The following RANBP3L variants were observed in gnomAD, a reference collection of about 807,000 sequenced individuals.
RANBP3L encodes the protein RAN binding protein 3 like, also known as ran-binding protein 3-like.
RANBP3L carries 56 observed loss-of-function variants against 67.2 expected under a neutral mutation model. The observed-to-expected ratio is 0.83, with a 90% confidence interval of 0.67 to 1.04. The LOEUF (loss-of-function observed/expected upper bound fraction) is 1.04, where lower values mean the gene tolerates loss of function less well. RANBP3L is among the 50% of genes least tolerant of loss of function. The probability of loss-of-function intolerance (pLI) is 0.00; values close to 1 mark genes in which losing one functional copy is unlikely to be tolerated. For missense variants in RANBP3L, 496 were observed against 535.5 expected, an observed-to-expected ratio of 0.93 and a Z score of 0.73; for synonymous variants, 164 against 181.4, an observed-to-expected ratio of 0.90 and a Z score of 0.77.
At chr5:36,264,218 C>T (rs747921140) in intron 6 of RANBP3L, among the ~76,000 whole-genome samples, 28 of 152,112 alleles carry the variant, frequency 1.8e-4, no homozygotes, top group Admixed American at 1.2e-3. Flanking sequence ...GAAAACAAAG[C>T]GAAACTATGT....
At chr5:36,276,602 A>C (rs1027627491) in intron 1 of RANBP3L, among the ~76,000 whole-genome samples, 2 of 151,332 alleles carry the variant, frequency 1.3e-5, no homozygotes, top group Non-Finnish European at 3.0e-5. Context: ...TTTTTTTTCT[A>C]TTTTATGTAC....
intron 12 of RANBP3L, among the ~76,000 whole-genome samples, chr5:36,252,948 G>A (rs1748700094): frequency 6.6e-6 from 1 of 152,006 alleles, no homozygotes; most frequent in Non-Finnish European, 1.5e-5. Context: ...GTCACCTTCT[G>A]CCTGAACTTG....
chr5:36,275,393 T>A (rs1453065209), intron 1 of RANBP3L, among the ~76,000 whole-genome samples: 1 of 152,226 alleles, frequency 6.6e-6, no homozygotes, highest in Admixed American at 6.6e-5. Flanking sequence ...TCCAAAACCA[T>A]TGATTTAACT....
intron 2 of RANBP3L, among the ~76,000 whole-genome samples, 170 bp downstream of exon 2, chr5:36,271,083 C>A (rs918087474): frequency 1.3e-5 from 2 of 152,120 alleles, no homozygotes; most frequent in African/African-American, 2.4e-5. Context: ...CCCATTCCAG[C>A]CAAACTGAAG....
intron 1 of RANBP3L, among the ~76,000 whole-genome samples, chr5:36,297,426 TACAC>T (rs35651432): frequency 1.3e-5 from 2 of 149,026 alleles, no homozygotes; most frequent in East Asian, 2.0e-4. Context: ...GTCACCTGTA[TACAC>T]ACACACACAC....
intron 1 of RANBP3L, among the ~76,000 whole-genome samples, chr5:36,289,645 TA>T (rs1475207728): frequency 6.6e-6 from 1 of 152,180 alleles, no homozygotes; most frequent in African/African-American, 2.4e-5. Context: ...TTTATGCTAT[TA>T]AATGAGTACT....
At position 36,295,567 on chromosome 5, in the gene RANBP3L, A is replaced by G. The variant is rs376279375; in HGVS notation, c.91+5759T>C. The stretch of plus-strand genomic sequence containing the variant: ...CTTTATAGCAGCATGAGAACAGACT[A>G]ATACATTGCCATAGTACTTTTCACA... On this transcript the variant is annotated intron_variant, in intron 1 of 13. Coordinates refer to ENST00000296604, the MANE Select transcript of RANBP3L (RefSeq NM_145000.5). 8.5e-5 allele frequency among the ~76,000 whole-genome samples: 13 copies of G among 152,184 alleles called. No individual in the cohort carries two copies. In the South Asian group the frequency reaches 2.7e-3, roughly 32 times the overall value.
intron 3 of RANBP3L, 85 bp downstream of exon 3, chr5:36,269,866 G>A (rs1036699545): frequency 4.2e-5 from 46 of 1,100,364 alleles, no homozygotes; most frequent in Middle Eastern, 2.0e-4. Context: ...CTTTCACATA[G>A]TCTGTGCCAC....
At chr5:36,293,691 G>C (rs1372663014) in intron 1 of RANBP3L, among the ~76,000 whole-genome samples, 1 of 146,980 alleles carries the variant, frequency 6.8e-6, no homozygotes, top group East Asian at 1.9e-4. Context: ...CTGTTTATAT[G>C]CTGGATTACA....
chr5:36,246,956 CAGTT>C lies in RANBP3L; in HGVS notation c.*2694_*2697del, dbSNP rs1748336660. On this transcript the variant is annotated 3_prime_UTR_variant, in exon 14 of 14. Coordinates refer to ENST00000296604, the MANE Select transcript of RANBP3L (RefSeq NM_145000.5). ...TTTAATTGTCTATAATTAGGGTAAA[CAGTT>C]GGGTAAAATCTTACTAAAAGAAAGT... Among the ~76,000 whole-genome samples the C allele has an allele frequency of 6.6e-6, 1 of 152,134 alleles. No homozygotes were observed. The highest frequency in any genetic ancestry group is 1.5e-5 in the Non-Finnish European group (1 of 68,016).
At chr5:36,295,622 G>A (rs1579796950) in intron 1 of RANBP3L, among the ~76,000 whole-genome samples, 1 of 149,598 alleles carries the variant, frequency 6.7e-6, no homozygotes, top group Non-Finnish European at 1.5e-5. Flanking sequence ...TCCTGCAACA[G>A]TGCACGAGGT....
At chr5:36,265,597 C>T (rs747913744) in intron 4 of RANBP3L, 77 bp from the exon 5 acceptor site, 2 of 804,436 alleles carry the variant, frequency 2.5e-6, no homozygotes, top group South Asian at 3.3e-5. Context: ...TTAACAATCC[C>T]ATTCCGAACT....
At position 36,262,042 on chromosome 5, in the gene RANBP3L, T is replaced by C. The variant is rs1313738198; in HGVS notation, c.481A>G (p.Ile161Val). ...CKTKEKTNNK[I>V]SEGNSYLLSE... The stretch of plus-strand genomic sequence containing the variant: ...AACAAATAGGAATTTCCCTCAGAAA[T>C]CTGAAAGTAAAGAAATCCATCAAAA... Residue 161 changes from isoleucine to valine, a missense_variant and splice_region_variant, in exon 7 of 14, where the codon ATT becomes GTT. Coordinates refer to ENST00000296604, the MANE Select transcript of RANBP3L (RefSeq NM_145000.5). 1 of 1,499,084 alleles carries C rather than the reference T, an allele frequency of 6.7e-7. No homozygotes were observed. Among genetic ancestry groups the C allele is most frequent in the African/African-American group, 1.4e-5 (1 of 72,414 alleles). The allele number at this position is 1,499,084 out of a possible 1,614,324, so 92.9% of individuals were successfully genotyped here. A position where few individuals can be genotyped will look rare whatever the true frequency, so the allele number is the denominator to read the frequency against.
rs781346555 is a variant in RANBP3L, at chr5:36,265,078, G to A, written c.361C>T (p.His121Tyr). ...TGCAAAATAGCAGGTCTAATAACAT[G>A]TTTAGAATGTTTCACAGGACCTTAA... is the stretch of plus-strand genomic sequence containing the variant. ...AEQGPVKHSKHVIRPAILQLP... is the reference protein window; with the variant it reads ...AEQGPVKHSKYVIRPAILQLP... The change falls in exon 6 of 14, where the codon CAT becomes TAT. Residue 121 changes from histidine to tyrosine, a missense_variant. Transcript: ENST00000296604. 20 of 1,606,450 alleles carry A rather than the reference G, an allele frequency of 1.2e-5. No individual in the cohort carries two copies. Among genetic ancestry groups the A allele is most frequent in the Admixed American group, 1.7e-5 (1 of 59,704 alleles).
At chr5:36,275,056 TG>T (rs1010920647) in intron 1 of RANBP3L, among the ~76,000 whole-genome samples, 2 of 152,214 alleles carry the variant, frequency 1.3e-5, no homozygotes, top group Non-Finnish European at 2.9e-5. Flanking sequence ...TATTCAATGT[TG>T]TTTTTTTCTG....
Position 36,261,354 on chromosome 5 carries a change from CG to C in RANBP3L, c.585-491del, listed in dbSNP as rs59904348. On this transcript the variant is annotated intron_variant, in intron 7 of 13. Transcript: ENST00000296604. ...TTTTCATGATGAGAAACTCGAAGAC[CG>C]GAAGCCCGCTCTTTGTAGACAGATG... Among the ~76,000 whole-genome samples the C allele has an allele frequency of 4.5e-3, 681 of 152,096 alleles. 5 individuals carry two copies. Among genetic ancestry groups the C allele is most frequent in the African/African-American group, 0.016 (653 of 41,476 alleles).
intron 8 of RANBP3L, among the ~76,000 whole-genome samples, chr5:36,260,071 G>C (rs1055329635): frequency 1.3e-5 from 2 of 151,918 alleles, no homozygotes; most frequent in Admixed American, 1.3e-4. Flanking sequence ...GTGGTTAACT[G>C]ATAAGAACAA....
intron 3 of RANBP3L, 138 bp downstream of exon 3, chr5:36,269,813 A>G: frequency 1.3e-6 from 1 of 774,816 alleles, no homozygotes; most frequent in Non-Finnish European, 2.3e-6. Flanking sequence ...TTTCAAAACA[A>G]AAGTGAATCT....
chr5:36,262,985 A>G (rs747885563), intron 6 of RANBP3L, among the ~76,000 whole-genome samples: 1 of 152,310 alleles, frequency 6.6e-6, no homozygotes, highest in Middle Eastern at 3.4e-3. Context: ...TAGGATGAAA[A>G]TAATTTATCT....
Sources: allele counts gnomAD v4.1 joint callset (sites outside exome capture counted in the v4.1 genomes callset), GRCh38; gene constraint gnomAD v4.1.1; transcripts MANE v1.5; gene names NCBI Gene and HGNC (gene_info 2026-07-23, HGNC 2026-07-21).